Variants in NDST3 observed in about 807,000 individuals in gnomAD.
The protein encoded by NDST3 is N-deacetylase and N-sulfotransferase 3.
A neutral mutation model predicts 96.1 loss-of-function variants in NDST3; 58 were observed. The ratio of observed to expected loss-of-function variants is 0.60; its 90% CI spans 0.49 to 0.75. The LOEUF is 0.75. Among genes scored for constraint, NDST3 ranks in the 30% least tolerant of loss-of-function variants. NDST3 has a pLI of 0.00. For missense variants in NDST3, 788 were observed against 1,034.2 expected (o/e 0.76, Z 3.27); for synonymous variants, 333 against 359.7 (o/e 0.93, Z 0.84).
chr4:118,033,350 C>G (rs1014013030), upstream of NDST3, among the ~76,000 whole-genome samples: 5 of 152,292 alleles, frequency 3.3e-5, no homozygotes, highest in East Asian at 9.7e-4. Flanking sequence ...CGGGGACTCG[C>G]ACCCCTTTCC....
At chr4:118,116,107 C>T (rs1247028854) in intron 4 of NDST3, among the ~76,000 whole-genome samples, 1 of 152,098 alleles carries the variant, frequency 6.6e-6, no homozygotes, top group African/African-American at 2.4e-5. Flanking sequence ...ATTGGTAAAA[C>T]GGCCCCAGAA....
chr4:118,196,161 T>C (rs1250575277), intron 6 of NDST3, among the ~76,000 whole-genome samples: 1 of 152,242 alleles, frequency 6.6e-6, no homozygotes, highest in Non-Finnish European at 1.5e-5. Context: ...GATTTGTGTA[T>C]GTTGGAACAT....
Position 118,192,566 on chromosome 4 carries a change from C to T in NDST3, c.1540-31925C>T, listed in dbSNP as rs577879646. ...TCTTTTCCCCAGTGTATGTTCTTGA[C>T]ACCTTTGTCAAAAATGAGTTTACTG... On this transcript the variant is annotated intron_variant, in intron 6 of 13. Transcript: ENST00000296499. 4.1e-4 allele frequency among the ~76,000 whole-genome samples: 63 copies of T among 152,282 alleles called. 4 individuals are homozygous for T. The South Asian group carries it at 0.013, about 32-fold the overall frequency.
chr4:118,249,698 C>T lies in NDST3; in HGVS notation c.2400-3801C>T, dbSNP rs1411593578. The stretch of plus-strand genomic sequence containing the variant: ...CATAGGGCTAGAGTTATAAATTCTA[C>T]AAGATTAACTACATATAGACTACAG... On this transcript the variant is annotated intron_variant, in intron 12 of 13. Coordinates refer to ENST00000296499, the MANE Select transcript of NDST3 (RefSeq NM_004784.3). 2.7e-5 allele frequency among the ~76,000 whole-genome samples: 4 copies of T among 150,846 alleles called. No individual in the cohort carries two copies. In the South Asian group the frequency reaches 8.4e-4, roughly 32 times the overall value.
intron 2 of NDST3, among the ~76,000 whole-genome samples, chr4:118,098,792 A>C (rs1729547350): frequency 6.6e-6 from 1 of 152,070 alleles, no homozygotes; most frequent in Non-Finnish European, 1.5e-5. Flanking sequence ...GTTTATATGA[A>C]GGATATAAAG....
intron 4 of NDST3, 23 bp downstream of exon 4, chr4:118,114,983 T>C (rs1340966524): frequency 1.2e-6 from 2 of 1,611,636 alleles, no homozygotes; most frequent in Non-Finnish European, 1.7e-6. Context: ...CTTTGTTGCA[T>C]TGAAGTAGTG....
intron 2 of NDST3, among the ~76,000 whole-genome samples, chr4:118,071,896 C>A (rs1475724456): frequency 6.6e-6 from 1 of 152,134 alleles, no homozygotes; most frequent in African/African-American, 2.4e-5. Flanking sequence ...ATCTTTTCAA[C>A]CTCACCAGCA....
At chr4:118,122,488 T>C (rs1731680327) in intron 4 of NDST3, among the ~76,000 whole-genome samples, 1 of 51,280 alleles carries the variant, frequency 2.0e-5, no homozygotes, top group East Asian at 5.5e-4. Context: ...TTTCTTTCAG[T>C]TTTTTCTTTC....
chr4:118,152,585 T>C (rs554994995), intron 6 of NDST3, among the ~76,000 whole-genome samples: 1 of 152,256 alleles, frequency 6.6e-6, no homozygotes, highest in South Asian at 2.1e-4. Flanking sequence ...TCGCTTTACT[T>C]ACAATAGAAA....
At chr4:118,116,432 A>G (rs1468349614) in intron 4 of NDST3, among the ~76,000 whole-genome samples, 1 of 152,188 alleles carries the variant, frequency 6.6e-6, no homozygotes, top group Non-Finnish European at 1.5e-5. Context: ...AGCTTTGATA[A>G]AAGACATGTC....
intron 2 of NDST3, among the ~76,000 whole-genome samples, chr4:118,073,620 T>G (rs1441819154): frequency 6.6e-6 from 1 of 152,052 alleles, no homozygotes; most frequent in East Asian, 1.9e-4. Flanking sequence ...TCTTTTTCTC[T>G]TTATTTGTCT....
chr4:118,239,389 G>A (rs1318148717), intron 10 of NDST3, among the ~76,000 whole-genome samples: 2 of 152,070 alleles, frequency 1.3e-5, no homozygotes, highest in African/African-American at 4.8e-5. Context: ...AATAGCGAGT[G>A]GAGACATCCT....
chr4:118,035,888 G>A (rs1194967145), intron 1 of NDST3, among the ~76,000 whole-genome samples: 1 of 151,792 alleles, frequency 6.6e-6, no homozygotes, highest in Non-Finnish European at 1.5e-5. Context: ...AAATGTTTTA[G>A]ATAAAATAAA....
intron 6 of NDST3, chr4:118,193,504 C>A: frequency 1.1e-6 from 1 of 935,460 alleles, no homozygotes. Flanking sequence ...AAGCCTCTGC[C>A]TTGGCCTTGT....
chr4:118,079,109 A>T (rs1199258416), intron 2 of NDST3, among the ~76,000 whole-genome samples: 1 of 152,236 alleles, frequency 6.6e-6, no homozygotes, highest in East Asian at 1.9e-4. Context: ...AAAAATATTA[A>T]TTGGTGTCTA....
At chr4:118,221,041 T>C (rs1035854771) in intron 6 of NDST3, among the ~76,000 whole-genome samples, 15 of 152,024 alleles carry the variant, frequency 9.9e-5, no homozygotes, top group Admixed American at 8.5e-4. Context: ...ATTATTAAAA[T>C]GCAGGTACCA....
intron 6 of NDST3, chr4:118,193,875 C>T: frequency 1.8e-6 from 2 of 1,082,074 alleles, no homozygotes; most frequent in South Asian, 1.3e-5. Context: ...AAACTAGACT[C>T]ATATTCTACC....
At position 118,256,926 on chromosome 4, in the gene NDST3, T is replaced by C. The variant is rs1336056877; in HGVS notation, c.*1214T>C. ...ACATAAGCAGAGCAGAGGCCCATTT[T>C]TGAAAATATTTCACCCATCACTCTG... is the stretch of plus-strand genomic sequence containing the variant. On this transcript the variant is annotated 3_prime_UTR_variant, in exon 14 of 14. Transcript: ENST00000296499. 1 of 152,206 alleles carries C rather than the reference T, an allele frequency of 6.6e-6. No individual in the cohort carries two copies. The highest frequency in any genetic ancestry group is 2.4e-5 in the African/African-American group (1 of 41,442). 9.4% of individuals were successfully genotyped at this position (152,206 alleles called of 1,614,324 possible).
At chr4:118,070,660 T>G (rs1283228830) in intron 2 of NDST3, among the ~76,000 whole-genome samples, 2 of 151,976 alleles carry the variant, frequency 1.3e-5, no homozygotes, top group Non-Finnish European at 2.9e-5. Flanking sequence ...TTTTTTTTTT[T>G]TGTACACTTT....
Sources: allele counts gnomAD v4.1 joint callset (sites outside exome capture counted in the v4.1 genomes callset), GRCh38; gene constraint gnomAD v4.1.1; transcripts MANE v1.5; gene names NCBI Gene and HGNC (gene_info 2026-07-23, HGNC 2026-07-21).